TMEM131L: variants seen among roughly 807,000 people sequenced by gnomAD.
TMEM131L encodes transmembrane 131 like, also known as transmembrane protein 131-like.
Under a neutral mutation model 192.2 loss-of-function variants are expected in TMEM131L, and 54 were observed. The ratio of observed to expected loss-of-function variants is 0.28; its 90% confidence interval spans 0.23 to 0.35. TMEM131L has a LOEUF of 0.35. Ranked by LOEUF, TMEM131L falls within the 10% of genes least tolerant of loss-of-function variation. The pLI is 1.00. For synonymous variants in TMEM131L, 701 were observed against 704.9 expected, an observed-to-expected ratio of 0.99 and a Z score of 0.09; for missense variants, 1,888 against 1,972.9, an observed-to-expected ratio of 0.96 and a Z score of 0.82.
At chr4:153,551,515 G>T (rs532522063) in intron 4 of TMEM131L, among the ~76,000 whole-genome samples, 1 of 152,120 alleles carries the variant, frequency 6.6e-6, no homozygotes, top group African/African-American at 2.4e-5. Flanking sequence ...CCGCCACCAC[G>T]CCTGTAATTT....
chr4:153,589,957 T>C (rs1290450633), intron 16 of TMEM131L, among the ~76,000 whole-genome samples: 1 of 152,248 alleles, frequency 6.6e-6, no homozygotes, highest in Non-Finnish European at 1.5e-5. Context: ...GGAAATTCTT[T>C]ATTTCCTAAA....
intron 6 of TMEM131L, 24 bp from the exon 7 acceptor site, chr4:153,558,234 G>A (rs752361104): frequency 1.6e-6 from 2 of 1,268,516 alleles, no homozygotes; most frequent in South Asian, 1.2e-5. Flanking sequence ...TAACAGAGGA[G>A]CAATTCTCTC....
chr4:153,504,262 C>T (rs1431874459), intron 3 of TMEM131L, among the ~76,000 whole-genome samples: 8 of 94,358 alleles, frequency 8.5e-5, no homozygotes, highest in African/African-American at 1.9e-4. Context: ...CCACCGCGGT[C>T]GGCCTTTTTT....
intron 16 of TMEM131L, among the ~76,000 whole-genome samples, chr4:153,590,072 T>G (rs1344894613): frequency 6.6e-6 from 1 of 152,244 alleles, no homozygotes. Context: ...AAATTTTCCC[T>G]AGTTGATCCA....
intron 2 of TMEM131L, 52 bp from the exon 3 acceptor site, chr4:153,473,793 A>G (rs1172893649): frequency 3.4e-6 from 5 of 1,487,216 alleles, no homozygotes; most frequent in African/African-American, 1.4e-5. Flanking sequence ...CTCTGTCTCA[A>G]AAACAAACGA....
chr4:153,478,233 T>G (rs1380658757), intron 3 of TMEM131L, among the ~76,000 whole-genome samples: 1 of 152,224 alleles, frequency 6.6e-6, no homozygotes, highest in Non-Finnish European at 1.5e-5. Context: ...GTCCATTTTT[T>G]GAAAATGCAG....
Position 153,580,858 on chromosome 4 carries a change from G to T in TMEM131L, c.693G>T (p.Val231=). ...AETTNTSLLQ[V]QLECSLHNKV... is the part of the protein sequence containing the mutation. ...CCACTAATACTAGCCTCTTGCAGGT[G>T]CAACTGGAATGCAGTTTACATAATA... The change falls in exon 8 of 35, where the codon GTG becomes GTT. Residue 231 remains valine (V), a synonymous_variant. Transcript: ENST00000409959. 1 of 1,612,862 alleles carries T rather than the reference G, an allele frequency of 6.2e-7. No individual in the cohort carries two copies. The highest frequency in any genetic ancestry group is 8.5e-7 in the Non-Finnish European group (1 of 1,178,954).
intron 7 of TMEM131L, among the ~76,000 whole-genome samples, chr4:153,561,991 T>A (rs1248790347): frequency 6.6e-6 from 1 of 151,868 alleles, no homozygotes; most frequent in Non-Finnish European, 1.5e-5. Context: ...TAAAAGTCAG[T>A]TATTTTAATT....
chr4:153,484,556 C>T (rs1362891670), intron 3 of TMEM131L, among the ~76,000 whole-genome samples: 4 of 150,994 alleles, frequency 2.6e-5, no homozygotes, highest in Non-Finnish European at 1.5e-5. Context: ...GCAAGCTCTG[C>T]CTCCCGGGTT....
intron 3 of TMEM131L, among the ~76,000 whole-genome samples, chr4:153,485,661 A>C (rs986763248): frequency 6.6e-6 from 1 of 152,228 alleles, no homozygotes; most frequent in African/African-American, 2.4e-5. Flanking sequence ...TTTGAATTAC[A>C]ATCCAAACAG....
intron 16 of TMEM131L, among the ~76,000 whole-genome samples, chr4:153,590,280 T>G (rs1183314005): frequency 6.6e-6 from 1 of 152,250 alleles, no homozygotes; most frequent in African/African-American, 2.4e-5. Flanking sequence ...CTCTGGATTT[T>G]TCTGATTGTT....
intron 18 of TMEM131L, among the ~76,000 whole-genome samples, chr4:153,593,169 T>C (rs1228007255): frequency 6.6e-6 from 1 of 152,250 alleles, no homozygotes; most frequent in Non-Finnish European, 1.5e-5. Flanking sequence ...TTAGTTCATG[T>C]CTGTTATATC....
intron 3 of TMEM131L, among the ~76,000 whole-genome samples, chr4:153,474,754 C>T (rs1241102896): frequency 2.0e-5 from 3 of 152,228 alleles, no homozygotes; most frequent in Non-Finnish European, 2.9e-5. Context: ...CAGGGTTTCT[C>T]CATGCTAGCC....
At chr4:153,534,915 G>A (rs1172385858) in intron 3 of TMEM131L, among the ~76,000 whole-genome samples, 7 of 152,228 alleles carry the variant, frequency 4.6e-5, no homozygotes, top group African/African-American at 1.4e-4. Context: ...CAGACCTGGA[G>A]AGGGGTGTGG....
rs1324678771 is a variant in TMEM131L, at chr4:153,585,565, T to C, written c.1265T>C (p.Val422Ala). ...WYRNHFDRSV[V>A]LNDVFLSKET... ...CGCAACCATTTTGACCGTAGTGTTG[T>C]ATTAAATGATGTGTTTCTTTCCAAG... is the stretch of plus-strand genomic sequence containing the variant. The change falls in exon 13 of 35, where the codon GTA becomes GCA. Residue 422 changes from valine to alanine, a missense_variant. Transcript: ENST00000409959. 8 of 1,613,878 alleles carry C rather than the reference T, an allele frequency of 5.0e-6. No individual in the cohort carries two copies. The highest frequency in any genetic ancestry group is 6.8e-6 in the Non-Finnish European group (8 of 1,179,924).
In TMEM131L at chr4:153,584,765, A is replaced by G. The variant is rs6535928; in HGVS notation, c.1061-70A>G. On this transcript the variant is annotated intron_variant, in intron 11 of 34. Transcript: ENST00000409959. The stretch of plus-strand genomic sequence containing the variant: ...GAATAAAAATTTATAAATAAGACAT[A>G]TATCTTTTGTTCAGGCTTAATGAAA... The G allele has an allele frequency of 0.031, 31,831 of 1,015,316 alleles. 4,127 individuals carry two copies. In the African/African-American group the frequency reaches 0.36, roughly 11 times the overall value. The allele number at this position is 1,015,316 out of a possible 1,614,324, so 62.9% of individuals were successfully genotyped here.
chr4:153,571,301 CT>C (rs1244614690), intron 7 of TMEM131L, among the ~76,000 whole-genome samples: 1 of 152,172 alleles, frequency 6.6e-6, no homozygotes, highest in Non-Finnish European at 1.5e-5. Flanking sequence ...GCTGTGCCTT[CT>C]TTTGATTGAG....
chr4:153,558,302 A>G lies in TMEM131L; in HGVS notation c.594A>G (p.Ala198=), dbSNP rs776629888. Residue 198 remains alanine (A), a synonymous_variant, in exon 7 of 35, where the codon GCA becomes GCG. Transcript: ENST00000409959. ...GTRRISTEGS[A]KQLPNAYFLL... is the part of the protein sequence containing the mutation. ...GTAGAATCTCTACAGAAGGGTCTGC[A>G]AAGCAGCTACCAAATGCTTATTTTC... 8 of 1,609,822 alleles carry G rather than the reference A, an allele frequency of 5.0e-6. No homozygotes were observed. In the South Asian group the frequency reaches 8.8e-5, roughly 18 times the overall value.
At chr4:153,574,873 C>T (rs755071191) in intron 7 of TMEM131L, among the ~76,000 whole-genome samples, 5 of 152,196 alleles carry the variant, frequency 3.3e-5, no homozygotes, top group Non-Finnish European at 7.3e-5. Context: ...CAGGTGTGAG[C>T]CACTGCGCCC....
Sources: allele counts gnomAD v4.1 joint callset (sites outside exome capture counted in the v4.1 genomes callset), GRCh38; gene constraint gnomAD v4.1.1; transcripts MANE v1.5; gene names NCBI Gene and HGNC (gene_info 2026-07-23, HGNC 2026-07-21).